The following RELCH variants were observed in gnomAD, a reference collection of about 807,000 sequenced individuals.
The protein encoded by RELCH is RAB11 binding and LisH domain, coiled-coil and HEAT repeat containing, also known as RAB11-binding protein RELCH.
Under a neutral mutation model 150.3 loss-of-function variants are expected in RELCH, and 41 were observed. That is an observed-to-expected ratio of 0.27 (90% CI 0.21 to 0.35). The LOEUF is 0.35. Ranked by LOEUF, RELCH falls within the 10% of genes least tolerant of loss-of-function variation. The pLI, the probability that RELCH is intolerant of heterozygous loss-of-function variation, is 1.00. For synonymous variants in RELCH, 478 were observed against 531.8 expected, an observed-to-expected ratio of 0.90 and a Z score of 1.39; for missense variants, 1,092 against 1,467.8, an observed-to-expected ratio of 0.74 and a Z score of 4.18.
intron 27 of RELCH, among the ~76,000 whole-genome samples, chr18:62,297,925 G>A (rs997967455): frequency 2.0e-5 from 3 of 152,078 alleles, no homozygotes; most frequent in African/African-American, 7.2e-5. Flanking sequence ...GAATTGTACC[G>A]TTCTCCACTT....
In RELCH at chr18:62,187,755, G is replaced by A; in HGVS notation, c.250G>A (p.Gly84Ser). 1.2e-6 allele frequency: 2 copies of A among 1,611,866 alleles called. No homozygotes were observed. Among genetic ancestry groups the A allele is most frequent in the Non-Finnish European group, 1.7e-6 (2 of 1,178,908 alleles). ...EASAAAVALGGTGETPARLSI... is the reference protein window; with the variant it reads ...EASAAAVALGSTGETPARLSI... Reference sequence around the variant, plus strand: ...GTCGGCGGCTGCAGTGGCCCTGGGGGGCACCGGGGAGACCCCGGCCCGATT... The same window carrying A: ...GTCGGCGGCTGCAGTGGCCCTGGGGAGCACCGGGGAGACCCCGGCCCGATT... Residue 84 changes from glycine to serine, a missense_variant, in exon 1 of 29, where the codon GGC (glycine) becomes AGC (serine). Gly to Ser is a moderately conservative substitution (Grantham distance 56, BLOSUM62 0). Around this residue, in one of 4 missense-constraint regions of RELCH, gnomAD observed 138 missense variants for 124.8 expected, o/e 1.11. Coordinates refer to ENST00000644646, the MANE Select transcript of RELCH (RefSeq NM_001346231.2).
At chr18:62,277,127 G>A (rs2144892133) in intron 22 of RELCH, among the ~76,000 whole-genome samples, 1 of 152,146 alleles carries the variant, frequency 6.6e-6, no homozygotes, top group East Asian at 1.9e-4. Context: ...ATGAAAATAA[G>A]TAAATAGAAT....
intron 9 of RELCH, among the ~76,000 whole-genome samples, chr18:62,231,472 A>G (rs2041574634): frequency 6.6e-6 from 1 of 152,010 alleles, no homozygotes; most frequent in Non-Finnish European, 1.5e-5. Context: ...TTTTCTATTA[A>G]CATTTTATTA....
intron 2 of RELCH, among the ~76,000 whole-genome samples, chr18:62,219,548 A>G (rs2040715769): frequency 1.3e-5 from 2 of 151,212 alleles, no homozygotes; most frequent in African/African-American, 4.8e-5. Flanking sequence ...CCTATTCTGT[A>G]CTTACCTTAC....
chr18:62,294,275 T>A (rs1016400055), intron 27 of RELCH, among the ~76,000 whole-genome samples: 3 of 152,220 alleles, frequency 2.0e-5, no homozygotes, highest in African/African-American at 7.2e-5. Flanking sequence ...TGCCAGCTAA[T>A]GCTAAATTGT....
At chr18:62,190,756 G>A (rs2038572209) in intron 1 of RELCH, among the ~76,000 whole-genome samples, 1 of 151,988 alleles carries the variant, frequency 6.6e-6, no homozygotes, top group Admixed American at 6.6e-5. Context: ...GCTTTGCCGT[G>A]GCTGCTGGCC....
At chr18:62,279,250 G>C (rs908507774) in intron 22 of RELCH, among the ~76,000 whole-genome samples, 2 of 152,102 alleles carry the variant, frequency 1.3e-5, no homozygotes, top group African/African-American at 2.4e-5. Context: ...AAAAGAGAAG[G>C]CTATATTATT....
At chr18:62,300,374 G>A (rs2045611307) in intron 28 of RELCH, 1 of 152,222 alleles carries the variant, frequency 6.6e-6, no homozygotes. Context: ...ACAGAGCTTA[G>A]ATGTTGCCTC....
At chr18:62,271,059 C>T (rs1205718747) in intron 20 of RELCH, among the ~76,000 whole-genome samples, 1 of 152,162 alleles carries the variant, frequency 6.6e-6, no homozygotes, top group African/African-American at 2.4e-5. Context: ...CATACGTGTG[C>T]ATGTGTCTTT....
chr18:62,269,813 T>C (rs1048973044), intron 20 of RELCH, among the ~76,000 whole-genome samples: 1 of 152,196 alleles, frequency 6.6e-6, no homozygotes. Context: ...GTATCATCTG[T>C]TGAACAACAG....
At chr18:62,248,335 A>G (rs2148516260) in intron 11 of RELCH, among the ~76,000 whole-genome samples, 1 of 152,300 alleles carries the variant, frequency 6.6e-6, no homozygotes, top group Middle Eastern at 3.4e-3. Context: ...AATCCTCAGA[A>G]AGTTGGCTCC....
intron 10 of RELCH, among the ~76,000 whole-genome samples, chr18:62,241,895 T>C (rs1329227327): frequency 2.6e-5 from 4 of 152,218 alleles, no homozygotes; most frequent in Non-Finnish European, 5.9e-5. Context: ...ACTTACAGAA[T>C]CTATTTTTTA....
At chr18:62,246,448 G>A (rs530468856) in intron 11 of RELCH, 317 of 152,256 alleles carry the variant, frequency 2.1e-3, no homozygotes, top group African/African-American at 7.2e-3. Flanking sequence ...TTAAGGTAGT[G>A]ATAGGTTGAC....
chr18:62,239,610 T>C (rs2042041051), intron 10 of RELCH, among the ~76,000 whole-genome samples: 1 of 152,058 alleles, frequency 6.6e-6, no homozygotes, highest in Non-Finnish European at 1.5e-5. Context: ...TTTCCTCCAG[T>C]CTAAGAGCAC....
chr18:62,293,897 C>T (rs1253425358), intron 27 of RELCH, among the ~76,000 whole-genome samples: 6 of 151,840 alleles, frequency 4.0e-5, no homozygotes, highest in Non-Finnish European at 8.8e-5. Flanking sequence ...ATTGTTTTAC[C>T]ACATATTTAT....
chr18:62,214,335 G>T (rs565980057), intron 2 of RELCH, among the ~76,000 whole-genome samples: 4 of 152,188 alleles, frequency 2.6e-5, no homozygotes, highest in Non-Finnish European at 5.9e-5. Flanking sequence ...CAAAAAGATT[G>T]TGACTCTTTG....
At chr18:62,208,614 A>T (rs777800792) in intron 1 of RELCH, among the ~76,000 whole-genome samples, 9 of 152,106 alleles carry the variant, frequency 5.9e-5, no homozygotes, top group Non-Finnish European at 8.8e-5. Flanking sequence ...TCAGGTACTA[A>T]GCCTAGTACC....
At chr18:62,213,392 T>G (rs1475826933) in intron 2 of RELCH, among the ~76,000 whole-genome samples, 1 of 152,074 alleles carries the variant, frequency 6.6e-6, no homozygotes, top group Non-Finnish European at 1.5e-5. Flanking sequence ...TTAGTACTTC[T>G]AATTAGGGGG....
intron 11 of RELCH, among the ~76,000 whole-genome samples, chr18:62,248,445 A>G (rs2042533218): frequency 6.6e-6 from 1 of 152,114 alleles, no homozygotes; most frequent in East Asian, 1.9e-4. Flanking sequence ...CGTTGCCCAA[A>G]TTTTTGTAAT....
Sources: allele counts gnomAD v4.1 joint callset (sites outside exome capture counted in the v4.1 genomes callset), GRCh38; gene constraint gnomAD v4.1.1; regional missense constraint gnomAD v4.1.1; transcripts MANE v1.5; gene names NCBI Gene and HGNC (gene_info 2026-07-23, HGNC 2026-07-21).